PAN3: variants seen among roughly 807,000 people sequenced by gnomAD.
PAN3 encodes poly(A) specific ribonuclease subunit PAN3.
In PAN3, 19 loss-of-function variants were observed where a neutral mutation model predicts 96.2. That is an observed-to-expected ratio of 0.20 (90% confidence interval 0.14 to 0.29). The LOEUF is 0.29. PAN3 is among the 10% of genes least tolerant of loss of function. The pLI, the probability that PAN3 is intolerant of heterozygous loss-of-function variation, is 1.00. For missense variants in PAN3, 882 were observed against 1,108.1 expected (o/e 0.80, Z 2.90); for synonymous variants, 433 against 406.6 (o/e 1.06, Z -0.78).
intron 7 of PAN3, among the ~76,000 whole-genome samples, chr13:28,256,989 G>A (rs1434762450): frequency 1.3e-5 from 2 of 152,164 alleles, no homozygotes; most frequent in African/African-American, 4.8e-5. Flanking sequence ...AGCTAGATCT[G>A]TGGATGGTGG....
intron 5 of PAN3, among the ~76,000 whole-genome samples, chr13:28,207,884 G>A (rs1320254878): frequency 6.6e-6 from 1 of 152,160 alleles, no homozygotes; most frequent in African/African-American, 2.4e-5. Context: ...CTGTGAACTT[G>A]TAGAACACAG....
chr13:28,259,006 C>T (rs9554296), intron 7 of PAN3, among the ~76,000 whole-genome samples: 20,276 of 152,068 alleles, frequency 0.13, 1,606 homozygotes, highest in East Asian at 0.33. Flanking sequence ...TGGTCGAATC[C>T]TTGAATACAG....
chr13:28,280,544 A>G lies in PAN3; in HGVS notation c.2319+3A>G, dbSNP rs755620095. 6.4e-7 allele frequency: 1 copy of G among 1,568,150 alleles called. No homozygotes were observed. On this transcript the variant is annotated splice_donor_region_variant and intron_variant, in intron 16 of 18. Transcript: ENST00000380958. ...TCATAGAGGAAGACCTTGCAAAGGT[A>G]AAGAGTGTAAATTTTTTTTTTTTTT...
At chr13:28,259,115 T>C (rs1318141555) in intron 7 of PAN3, among the ~76,000 whole-genome samples, 1 of 151,322 alleles carries the variant, frequency 6.6e-6, no homozygotes, top group Non-Finnish European at 1.5e-5. Context: ...TGAAGAAATG[T>C]TTTCTTTCTC....
intron 17 of PAN3, among the ~76,000 whole-genome samples, chr13:28,284,137 T>G (rs1868660232): frequency 6.6e-6 from 1 of 152,230 alleles, no homozygotes; most frequent in African/African-American, 2.4e-5. Context: ...TTCGTGAGAC[T>G]GCCTCACCAA....
At chr13:28,165,536 C>A (rs1453220722) in intron 1 of PAN3, among the ~76,000 whole-genome samples, 1 of 152,168 alleles carries the variant, frequency 6.6e-6, no homozygotes, top group South Asian at 2.1e-4. Flanking sequence ...ATCTCTGAAT[C>A]AGTTTGCTTA....
intron 1 of PAN3, among the ~76,000 whole-genome samples, chr13:28,144,296 G>A (rs1241682389): frequency 2.0e-5 from 3 of 146,694 alleles, no homozygotes; most frequent in African/African-American, 5.0e-5. Flanking sequence ...GGCTCACTGC[G>A]AGCTCCGCCT....
chr13:28,217,113 C>CA (rs59698303), intron 5 of PAN3, among the ~76,000 whole-genome samples: 19,337 of 114,944 alleles, frequency 0.17, 1,434 homozygotes, highest in East Asian at 0.37. Context: ...AACTCTGTCT[C>CA]AAAAAAAAAA....
Position 28,220,279 on chromosome 13 carries a change from T to A in PAN3, c.901T>A (p.Ser301Thr). ...SEFIPKGGST[S>T]RLSNVSQSNM... is the part of the protein sequence containing the mutation. ...GTTTATTCCTAAAGGAGGATCAACC[T>A]CCAGGCTGAGTAACGTGTCCCAGTC... Residue 301 changes from serine (S) to threonine (T), a missense_variant, in exon 6 of 19, where the codon TCC becomes ACC. Physicochemically the swap from Ser to Thr is moderately conservative, Grantham distance 58. Coordinates refer to ENST00000380958, the MANE Select transcript of PAN3 (RefSeq NM_175854.8). 6.2e-7 allele frequency: 1 copy of A among 1,613,848 alleles called. No homozygotes were observed. Among genetic ancestry groups the A allele is most frequent in the Non-Finnish European group, 8.5e-7 (1 of 1,179,804 alleles).
rs184851209 is a variant in PAN3, at chr13:28,154,378, G to A, written c.430+15291G>A. Among the ~76,000 whole-genome samples, 5 of 152,050 alleles carry A rather than the reference G, an allele frequency of 3.3e-5. No individual in the cohort carries two copies. In the East Asian group the frequency reaches 9.6e-4, roughly 29 times the overall value. The stretch of plus-strand genomic sequence containing the variant: ...TGATTCATCTAAAATTTCTGTTTCG[G>A]GATTTTTTGGTTTTTTTTTTCTTAC... On this transcript the variant is annotated intron_variant, in intron 1 of 18. Transcript: ENST00000380958.
chr13:28,142,739 GAAAC>G (rs1320860900), intron 1 of PAN3, among the ~76,000 whole-genome samples: 2 of 152,082 alleles, frequency 1.3e-5, no homozygotes, highest in African/African-American at 2.4e-5. Context: ...GACAACAAAA[GAAAC>G]AAAAGATTTA....
intron 4 of PAN3, among the ~76,000 whole-genome samples, chr13:28,192,552 T>G (rs893715974): frequency 6.6e-6 from 1 of 152,246 alleles, no homozygotes; most frequent in Non-Finnish European, 1.5e-5. Context: ...TATTCTTCCT[T>G]CAGAACTTTA....
chr13:28,201,040 T>TC (rs1878628136), intron 5 of PAN3, among the ~76,000 whole-genome samples: 1 of 151,292 alleles, frequency 6.6e-6, no homozygotes, highest in Admixed American at 6.6e-5. Context: ...TCTCTCTCTC[T>TC]CTTTTTTTTT....
intron 4 of PAN3, among the ~76,000 whole-genome samples, chr13:28,186,755 G>A (rs770230771): frequency 7.3e-5 from 11 of 151,086 alleles, no homozygotes; most frequent in Non-Finnish European, 1.3e-4. Flanking sequence ...GAGTTCAGGG[G>A]TTTGAAGCTG....
At chr13:28,186,486 G>A (rs2138167023) in intron 4 of PAN3, among the ~76,000 whole-genome samples, 1 of 152,274 alleles carries the variant, frequency 6.6e-6, no homozygotes, top group South Asian at 2.1e-4. Context: ...TGTTTATAAT[G>A]CCTTGTACTT....
At chr13:28,284,098 A>C (rs1868653399) in intron 17 of PAN3, among the ~76,000 whole-genome samples, 1 of 152,198 alleles carries the variant, frequency 6.6e-6, no homozygotes, top group Non-Finnish European at 1.5e-5. Flanking sequence ...TTTCATAGCT[A>C]TTGGAGAATA....
intron 7 of PAN3, 130 bp downstream of exon 7, chr13:28,256,669 G>A: frequency 4.1e-6 from 4 of 983,436 alleles, no homozygotes; most frequent in Non-Finnish European, 4.4e-6. Flanking sequence ...TAACTTAGAT[G>A]AGAAGTCTAG....
chr13:28,218,234 T>C (rs1276487732), intron 5 of PAN3, among the ~76,000 whole-genome samples: 1 of 152,186 alleles, frequency 6.6e-6, no homozygotes, highest in Non-Finnish European at 1.5e-5. Flanking sequence ...TGATTTTTAA[T>C]TTAAATGTAT....
chr13:28,244,527 CAT>C (rs529769414), intron 6 of PAN3, among the ~76,000 whole-genome samples: 4 of 152,078 alleles, frequency 2.6e-5, no homozygotes, highest in Non-Finnish European at 5.9e-5. Context: ...CTGAATATAA[CAT>C]AAAGTATAAC....
Sources: allele counts gnomAD v4.1 joint callset (sites outside exome capture counted in the v4.1 genomes callset), GRCh38; gene constraint gnomAD v4.1.1; transcripts MANE v1.5; gene names NCBI Gene and HGNC (gene_info 2026-07-23, HGNC 2026-07-21).